Variants in NSUN4 observed in about 807,000 individuals in gnomAD.
NSUN4 encodes NOP2/Sun RNA methyltransferase 4, also known as 5-cytosine rRNA methyltransferase NSUN4.
Under a neutral mutation model 43.8 loss-of-function variants are expected in NSUN4, and 31 were observed. The ratio of observed to expected loss-of-function variants is 0.71; its 90% CI spans 0.53 to 0.96. The LOEUF is 0.96. Ranked by LOEUF, NSUN4 falls within the 40% of genes least tolerant of loss-of-function variation. NSUN4 has a pLI of 0.00. For synonymous variants in NSUN4, 167 were observed against 184.1 expected (o/e 0.91, Z 0.75); for missense variants, 439 against 475.6 (o/e 0.92, Z 0.72).
At chr1:46,366,286 T>C (rs1664130605), downstream of NSUN4, among the ~76,000 whole-genome samples, 1 of 152,078 alleles carries the variant, frequency 6.6e-6, no homozygotes, top group South Asian at 2.1e-4. Flanking sequence ...AGTAAAACCA[T>C]GTAAGAAGGA....
At position 46,342,508 on chromosome 1, in the gene NSUN4, C is replaced by T. The variant is rs548351406; in HGVS notation, c.93+1589C>T. On this transcript the variant is annotated intron_variant, in intron 1 of 5. Coordinates refer to ENST00000474844, the MANE Select transcript of NSUN4 (RefSeq NM_199044.4). ...TCTCCTTGCTCACCCCAGTCCCAGG[C>T]TCCCAGGAAGGCTTGCATTGAGTCC... The T allele has an allele frequency of 3.0e-5, 12 of 399,140 alleles. No individual in the cohort carries two copies. In the East Asian group the frequency reaches 4.3e-4, roughly 14 times the overall value. The allele number at this position is 399,140 out of a possible 1,614,324, so 24.7% of individuals were successfully genotyped here.
At chr1:46,369,804 C>T (rs1199088224), downstream of NSUN4, among the ~76,000 whole-genome samples, 1 of 152,166 alleles carries the variant, frequency 6.6e-6, no homozygotes, top group East Asian at 1.9e-4. Context: ...ACAGGGCTTT[C>T]TGGGCCACTT....
At chr1:46,359,963 C>T (rs1294336409) in intron 4 of NSUN4, among the ~76,000 whole-genome samples, 3 of 151,628 alleles carry the variant, frequency 2.0e-5, no homozygotes, top group African/African-American at 7.3e-5. Context: ...GGCATGGTGG[C>T]TCATGCCTGT....
Position 46,361,832 on chromosome 1 carries a change from C to T in NSUN4, c.1141C>T (p.Arg381Cys), listed in dbSNP as rs764051356. The T allele has an allele frequency of 7.4e-6, 12 of 1,613,802 alleles. No individual in the cohort carries two copies. The highest frequency in any genetic ancestry group is 2.2e-5 in the South Asian group (2 of 91,072). ...NFGPMYFCKM[R>C]RLT ...TGGCCCCATGTACTTCTGCAAAATG[C>T]GTAGGCTGACATAGTATCACCCAAT... Residue 381 changes from arginine (R) to cysteine (C), a missense_variant, in exon 6 of 6, where the codon CGT (arginine) becomes TGT (cysteine). By Grantham distance (180) the Arg-to-Cys change is radical (BLOSUM62 -3). Transcript: ENST00000474844.
chr1:46,365,622 G>C (rs981892161), downstream of NSUN4, among the ~76,000 whole-genome samples: 1 of 152,132 alleles, frequency 6.6e-6, no homozygotes, highest in Non-Finnish European at 1.5e-5. Context: ...GATTACAGGT[G>C]TGAACCACTG....
chr1:46,360,270 ATATATATG>A lies in NSUN4; in HGVS notation c.754-431_754-424del, dbSNP rs367972281. 6.1e-3 allele frequency among the ~76,000 whole-genome samples: 623 copies of A among 101,780 alleles called. 12 individuals carry two copies. Among genetic ancestry groups the A allele is most frequent in the Middle Eastern group, 9.8e-3 (2 of 204 alleles). 66.8% of individuals were successfully genotyped at this position (101,780 alleles called of 152,430 possible). The stretch of plus-strand genomic sequence containing the variant: ...AAAAAATATATATATATATATATAT[ATATATATG>A]TAAATTAGTCTGGAGTGGTGGTTTG... On this transcript the variant is annotated intron_variant, in intron 4 of 5. Coordinates refer to ENST00000474844, the MANE Select transcript of NSUN4 (RefSeq NM_199044.4).
chr1:46,348,846 G>A (rs56344958), intron 3 of NSUN4, among the ~76,000 whole-genome samples: 29,191 of 102,432 alleles, frequency 0.28, 3,838 homozygotes, highest in Middle Eastern at 0.42. Flanking sequence ...AAGAAGTTTC[G>A]CTTTTCTACC....
At chr1:46,345,172 G>T (rs1335189342) in intron 2 of NSUN4, 28 bp downstream of exon 2, 2 of 1,515,044 alleles carry the variant, frequency 1.3e-6, no homozygotes, top group East Asian at 2.3e-5. Flanking sequence ...GACTGGAGCG[G>T]TCCTGAGTGT....
chr1:46,360,322 C>T (rs1245552420), intron 4 of NSUN4, among the ~76,000 whole-genome samples: 2 of 140,328 alleles, frequency 1.4e-5, no homozygotes, highest in Non-Finnish European at 3.0e-5. Flanking sequence ...GCCCCAGCTA[C>T]TCAGGAGGCT....
intron 1 of NSUN4, chr1:46,344,330 TTGTTAA>T (rs1487367692): frequency 6.2e-6 from 1 of 160,684 alleles, no homozygotes; most frequent in Non-Finnish European, 1.3e-5. Context: ...AATTGAAATG[TTGTTAA>T]TTTTTTTTTG....
intron 4 of NSUN4, 49 bp downstream of exon 4, chr1:46,353,077 C>T (rs1054184265): frequency 6.3e-7 from 1 of 1,575,620 alleles, no homozygotes. Context: ...TGCGGCCTCC[C>T]CATCCTGGTT....
downstream of NSUN4, among the ~76,000 whole-genome samples, chr1:46,365,366 G>A (rs1014962795): frequency 3.9e-5 from 6 of 152,012 alleles, no homozygotes; most frequent in Admixed American, 6.6e-5. Context: ...TTGAGATGGA[G>A]TCTCACTCTT....
At chr1:46,341,651 C>G in intron 1 of NSUN4, 1 of 1,227,140 alleles carries the variant, frequency 8.1e-7, no homozygotes, top group Non-Finnish European at 1.0e-6. Flanking sequence ...CTCTTCCACC[C>G]CCACAACCTT....
chr1:46,344,099 C>A, intron 1 of NSUN4: 1 of 244,630 alleles, frequency 4.1e-6, no homozygotes. Flanking sequence ...TTCTCTTTTA[C>A]TCTGCCTCCT....
At chr1:46,371,430 C>T in the NSUN4 span, among the ~76,000 whole-genome samples, 2 of 152,006 alleles carry the variant, frequency 1.3e-5, no homozygotes, top group Non-Finnish European at 2.9e-5. Context: ...CTCAGCCTCC[C>T]GAGTAGCTGG....
intron 4 of NSUN4, among the ~76,000 whole-genome samples, chr1:46,358,842 C>G (rs756316918): frequency 2.0e-5 from 3 of 152,094 alleles, no homozygotes; most frequent in Non-Finnish European, 4.4e-5. Context: ...TGGATAATTC[C>G]TATATCAAAA....
rs1175009317 is a variant in NSUN4, at chr1:46,344,820, T to C, written c.113T>C (p.Phe38Ser). 6.2e-7 allele frequency: 1 copy of C among 1,614,010 alleles called. No homozygotes were observed. The highest frequency in any genetic ancestry group is 8.5e-7 in the Non-Finnish European group (1 of 1,179,910). ...KKKWAATEPK[F>S]PAVRLALQNF... ...TTTTAGGCTGCCACAGAGCCCAAAT[T>C]CCCTGCTGTTCGACTGGCTTTGCAG... The change falls in exon 2 of 6, where the codon TTC becomes TCC. Residue 38 changes from phenylalanine (F) to serine (S), a missense_variant. Transcript: ENST00000474844.
chr1:46,350,183 C>T (rs1662874992), intron 3 of NSUN4, among the ~76,000 whole-genome samples: 1 of 152,168 alleles, frequency 6.6e-6, no homozygotes, highest in Admixed American at 6.6e-5. Flanking sequence ...TATCCTTCTG[C>T]AAATTCCTCT....
intron 3 of NSUN4, among the ~76,000 whole-genome samples, chr1:46,352,468 G>A (rs1663071139): frequency 6.6e-6 from 1 of 150,412 alleles, no homozygotes; most frequent in South Asian, 2.1e-4. Context: ...AAAACAAAAG[G>A]AAAGAGAGGG....
Sources: allele counts gnomAD v4.1 joint callset (sites outside exome capture counted in the v4.1 genomes callset), GRCh38; gene constraint gnomAD v4.1.1; transcripts MANE v1.5; gene names NCBI Gene and HGNC (gene_info 2026-07-23, HGNC 2026-07-21).